The following GRID2 variants were observed in gnomAD, a reference collection of about 807,000 sequenced individuals.
GRID2 encodes glutamate receptor ionotropic, delta-2.
In GRID2, 33 loss-of-function variants were observed where a neutral mutation model predicts 114.8. The observed-to-expected ratio is 0.29, with a 90% confidence interval of 0.22 to 0.38. GRID2 has a LOEUF of 0.38. GRID2 is among the 10% of genes least tolerant of loss of function. GRID2 has a pLI of 1.00. For synonymous variants in GRID2, 505 were observed against 449.9 expected (o/e 1.12, Z -1.55); for missense variants, 1,184 against 1,257.7 (o/e 0.94, Z 0.89).
intron 7 of GRID2, among the ~76,000 whole-genome samples, chr4:93,236,514 A>G (rs1746819864): frequency 6.6e-6 from 1 of 152,036 alleles, no homozygotes; most frequent in African/African-American, 2.4e-5. Flanking sequence ...CCATTAATCC[A>G]TAGATCCTGG....
chr4:93,070,535 T>G (rs768922736), intron 2 of GRID2, among the ~76,000 whole-genome samples: 1 of 152,214 alleles, frequency 6.6e-6, no homozygotes, highest in Admixed American at 6.6e-5. Flanking sequence ...ATAACTGTGA[T>G]CCAGCTCCTG....
intron 1 of GRID2, among the ~76,000 whole-genome samples, chr4:92,588,823 C>T (rs932770916): frequency 3.3e-5 from 5 of 151,978 alleles, no homozygotes; most frequent in Admixed American, 2.0e-4. Context: ...GCAGTGATGG[C>T]CAGGCACAGC....
chr4:93,291,439 A>C (rs1273734727), intron 8 of GRID2, among the ~76,000 whole-genome samples: 2 of 152,232 alleles, frequency 1.3e-5, no homozygotes, highest in Non-Finnish European at 2.9e-5. Flanking sequence ...TGGTTTTGTT[A>C]GAATTAAGTG....
intron 4 of GRID2, among the ~76,000 whole-genome samples, chr4:93,132,966 C>T (rs1292323968): frequency 1.3e-5 from 2 of 152,080 alleles, no homozygotes; most frequent in African/African-American, 4.8e-5. Flanking sequence ...TTAACTTTTC[C>T]TTTTCATATG....
intron 1 of GRID2, among the ~76,000 whole-genome samples, chr4:93,779,691 G>A (rs115981201): frequency 5.9e-4 from 90 of 152,248 alleles, no homozygotes; most frequent in African/African-American, 2.0e-3. Context: ...GAATAACATA[G>A]GCTGCATGGA....
At chr4:92,859,534 T>A (rs1379058429) in intron 2 of GRID2, among the ~76,000 whole-genome samples, 1 of 152,160 alleles carries the variant, frequency 6.6e-6, no homozygotes, top group Non-Finnish European at 1.5e-5. Flanking sequence ...TTCTTCCTTG[T>A]TATCTTATAG....
At chr4:93,442,650 C>T (rs1007021734) in intron 10 of GRID2, among the ~76,000 whole-genome samples, 6 of 151,922 alleles carry the variant, frequency 3.9e-5, no homozygotes, top group African/African-American at 1.4e-4. Flanking sequence ...AAGAGATCAA[C>T]ACATATCCAC....
At chr4:92,565,167 T>C (rs1727278379) in intron 1 of GRID2, among the ~76,000 whole-genome samples, 1 of 152,044 alleles carries the variant, frequency 6.6e-6, no homozygotes, top group South Asian at 2.1e-4. Flanking sequence ...ATGTTACTTA[T>C]TACTTTCATA....
At chr4:92,374,702 T>G (rs548335315) in intron 1 of GRID2, among the ~76,000 whole-genome samples, 20 of 152,306 alleles carry the variant, frequency 1.3e-4, no homozygotes, top group Non-Finnish European at 2.4e-4. Context: ...CTTTTGAGAT[T>G]GGGTATTAAC....
chr4:92,794,214 C>A (rs1380357727), intron 2 of GRID2, among the ~76,000 whole-genome samples: 1 of 151,756 alleles, frequency 6.6e-6, no homozygotes, highest in African/African-American at 2.4e-5. Flanking sequence ...CTCCTGGGCT[C>A]AAGTGATCCT....
intron 4 of GRID2, among the ~76,000 whole-genome samples, chr4:93,128,692 A>T (rs1374504365): frequency 8.2e-6 from 1 of 122,228 alleles, no homozygotes; most frequent in East Asian, 2.6e-4. Flanking sequence ...AGGTACAGAA[A>T]GCGGCATGAG....
chr4:93,416,617 T>G (rs1560597708), intron 9 of GRID2, among the ~76,000 whole-genome samples: 2 of 152,040 alleles, frequency 1.3e-5, no homozygotes, highest in Admixed American at 1.3e-4. Context: ...ATCAAAAATG[T>G]CAGATGCTTT....
chr4:93,012,858 T>C (rs963213958), intron 2 of GRID2, among the ~76,000 whole-genome samples: 1 of 151,966 alleles, frequency 6.6e-6, no homozygotes, highest in Non-Finnish European at 1.5e-5. Flanking sequence ...ATTATACATA[T>C]GCATGTGTAT....
chr4:92,933,570 G>T (rs2149523813), intron 2 of GRID2, among the ~76,000 whole-genome samples: 1 of 151,574 alleles, frequency 6.6e-6, no homozygotes, highest in African/African-American at 2.4e-5. Flanking sequence ...GCCATGCCAG[G>T]AGACTGGAAC....
chr4:93,767,541 C>T (rs1326600170), intron 14 of GRID2, among the ~76,000 whole-genome samples: 2 of 152,090 alleles, frequency 1.3e-5, no homozygotes, highest in African/African-American at 4.8e-5. Flanking sequence ...CAGTCTCAGT[C>T]CTGGACTGCC....
At chr4:93,662,079 G>C (rs1723548358) in intron 14 of GRID2, among the ~76,000 whole-genome samples, 1 of 152,096 alleles carries the variant, frequency 6.6e-6, no homozygotes, top group African/African-American at 2.4e-5. Context: ...GAACATCCCA[G>C]GCAGCTTCCT....
At position 92,496,692 on chromosome 4, in the gene GRID2, ATAATT is replaced by A. The variant is rs554940222; in HGVS notation, c.89-93437_89-93433del. On this transcript the variant is annotated intron_variant, in intron 1 of 15. Transcript: ENST00000282020. Reference sequence around the variant, plus strand: ...TATGACTAAAATGAAGGATAATAATATAATTTGACATTTAAACAGTTTTATTGTGA... The same window carrying A: ...TATGACTAAAATGAAGGATAATAATATGACATTTAAACAGTTTTATTGTGA... 2.1e-3 allele frequency among the ~76,000 whole-genome samples: 324 copies of A among 151,836 alleles called. 2 individuals are homozygous for A. Among genetic ancestry groups the A allele is most frequent in the African/African-American group, 7.4e-3 (309 of 41,536 alleles).
At chr4:92,541,133 G>T (rs1374437955) in intron 1 of GRID2, among the ~76,000 whole-genome samples, 1 of 152,010 alleles carries the variant, frequency 6.6e-6, no homozygotes, top group Non-Finnish European at 1.5e-5. Context: ...TCACACACTG[G>T]GGCCTGTTGT....
At chr4:92,886,711 T>C (rs899626053) in intron 2 of GRID2, among the ~76,000 whole-genome samples, 22 of 152,180 alleles carry the variant, frequency 1.4e-4, no homozygotes, top group African/African-American at 4.1e-4. Flanking sequence ...CTGCAAGCTC[T>C]GCCTCCCAGG....
Sources: gnomAD v4.1 joint callset for allele counts (sites outside exome capture counted in the v4.1 genomes callset) on GRCh38, gnomAD v4.1.1 for gene constraint, MANE v1.5 for transcripts, NCBI Gene and HGNC (gene_info 2026-07-23, HGNC 2026-07-21) for gene names.